Variants in IL1RAPL2 observed in about 807,000 individuals in gnomAD.
The protein encoded by IL1RAPL2 is interleukin 1 receptor accessory protein like 2, also known as X-linked interleukin-1 receptor accessory protein-like 2.
A neutral mutation model predicts 44.1 loss-of-function variants in IL1RAPL2; 3 were observed. The observed-to-expected ratio is 0.07, with a 90% CI of 0.03 to 0.18. The LOEUF (loss-of-function observed/expected upper bound fraction) is 0.18, where lower values mean the gene tolerates loss of function less well. Ranked by LOEUF, IL1RAPL2 falls within the 10% of genes least tolerant of loss-of-function variation. The pLI, the probability that IL1RAPL2 is intolerant of heterozygous loss-of-function variation, is 1.00. For synonymous variants in IL1RAPL2, 181 were observed against 178.8 expected, an observed-to-expected ratio of 1.01 and a Z score of -0.10; for missense variants, 391 against 496.4, an observed-to-expected ratio of 0.79 and a Z score of 2.02.
chrX:105,470,967 T>C (rs1222736624), intron 5 of IL1RAPL2, among the ~76,000 whole-genome samples: 1 of 111,435 alleles, frequency 9.0e-6, no homozygotes, highest in Non-Finnish European at 1.9e-5. Context: ...ATTAGGTTGG[T>C]GCGAAAGTTA....
chrX:105,422,052 A>C (rs1005973390), intron 5 of IL1RAPL2, among the ~76,000 whole-genome samples: 25 of 112,127 alleles, frequency 2.2e-4, no homozygotes, highest in Middle Eastern at 4.6e-3. Flanking sequence ...ACTAAAGACA[A>C]ATTATGGTAG....
At chrX:104,892,008 C>T (rs1165600858) in intron 2 of IL1RAPL2, among the ~76,000 whole-genome samples, 14 of 111,451 alleles carry the variant, frequency 1.3e-4, no homozygotes, top group Non-Finnish European at 2.3e-4. Flanking sequence ...GTATGAAGGG[C>T]TGTTGAATTT....
chrX:104,940,453 A>C (rs893383166), intron 2 of IL1RAPL2, among the ~76,000 whole-genome samples: 8 of 111,971 alleles, frequency 7.1e-5, no homozygotes, highest in African/African-American at 2.6e-4. Context: ...ATAAAGCAAT[A>C]TTAGTATTAT....
chrX:104,727,393 TA>T (rs1931817241), intron 2 of IL1RAPL2, among the ~76,000 whole-genome samples: 1 of 111,588 alleles, frequency 9.0e-6, no homozygotes, highest in Non-Finnish European at 1.9e-5. Context: ...GATACCATTT[TA>T]TACTAGTCAA....
chrX:104,955,477 C>T (rs867937956), intron 2 of IL1RAPL2, among the ~76,000 whole-genome samples: 1 of 102,025 alleles, frequency 9.8e-6, no homozygotes, highest in Non-Finnish European at 1.9e-5. Context: ...GTTATACTCC[C>T]AGATATATAT....
chrX:105,078,968 C>A (rs1395578598), intron 2 of IL1RAPL2, among the ~76,000 whole-genome samples: 2 of 112,493 alleles, frequency 1.8e-5, no homozygotes, highest in South Asian at 7.4e-4. Context: ...TTCCCTGACC[C>A]CTTGTGCTTC....
chrX:105,458,028 G>A (rs777069669), intron 5 of IL1RAPL2, among the ~76,000 whole-genome samples: 8 of 111,332 alleles, frequency 7.2e-5, no homozygotes, highest in South Asian at 7.6e-4. Context: ...TGGGTATGAA[G>A]TAGTATCTCA....
chrX:105,350,503 C>T (rs759251016), intron 5 of IL1RAPL2, among the ~76,000 whole-genome samples: 11 of 112,031 alleles, frequency 9.8e-5, no homozygotes, highest in East Asian at 2.8e-4. Context: ...GCGGGTGGAT[C>T]GTCTGAGGTT....
chrX:105,199,282 T>C (rs1556143886), intron 3 of IL1RAPL2, among the ~76,000 whole-genome samples: 1 of 106,995 alleles, frequency 9.3e-6, no homozygotes, highest in East Asian at 2.9e-4. Context: ...GTCCCTTTGA[T>C]ATAATTCTAT....
intron 2 of IL1RAPL2, among the ~76,000 whole-genome samples, chrX:105,005,414 C>T (rs768006157): frequency 1.8e-5 from 2 of 111,343 alleles, no homozygotes; most frequent in Non-Finnish European, 3.8e-5. Flanking sequence ...CACCTGGGAG[C>T]TCATAAATGC....
chrX:104,710,443 A>C (rs906484044), intron 2 of IL1RAPL2, among the ~76,000 whole-genome samples: 1 of 111,206 alleles, frequency 9.0e-6, no homozygotes, highest in African/African-American at 3.3e-5. Context: ...GACAGAAAGC[A>C]GATTAGTAGT....
intron 5 of IL1RAPL2, among the ~76,000 whole-genome samples, chrX:105,471,544 A>G (rs1308035419): frequency 9.1e-6 from 1 of 110,323 alleles, no homozygotes; most frequent in Non-Finnish European, 1.9e-5. Context: ...CTGCTGTCCC[A>G]GGAACTGAAT....
chrX:104,579,881 C>A (rs1017863372), intron 1 of IL1RAPL2, among the ~76,000 whole-genome samples: 1 of 111,019 alleles, frequency 9.0e-6, no homozygotes, highest in African/African-American at 3.3e-5. Context: ...ATGTCAAAAT[C>A]TATTTTAACC....
chrX:104,609,072 G>T (rs1929085891), intron 1 of IL1RAPL2, among the ~76,000 whole-genome samples: 1 of 110,420 alleles, frequency 9.1e-6, no homozygotes, highest in Non-Finnish European at 1.9e-5. Flanking sequence ...CTCAGCATTT[G>T]CTTGTCTGTA....
At chrX:105,048,866 C>G (rs775748360) in intron 2 of IL1RAPL2, among the ~76,000 whole-genome samples, 218 of 112,220 alleles carry the variant, frequency 1.9e-3, no homozygotes, top group African/African-American at 6.6e-3. Flanking sequence ...TCTCAATAAC[C>G]ACATGTGGCT....
intron 5 of IL1RAPL2, among the ~76,000 whole-genome samples, chrX:105,468,357 G>T (rs1256014554): frequency 1.8e-5 from 2 of 111,690 alleles, no homozygotes; most frequent in Non-Finnish European, 3.8e-5. Flanking sequence ...GCTGGCAAAT[G>T]TGTAGTATAG....
chrX:105,107,111 C>T (rs1380680166), intron 2 of IL1RAPL2, among the ~76,000 whole-genome samples: 1 of 112,587 alleles, frequency 8.9e-6, no homozygotes, highest in Non-Finnish European at 1.9e-5. Context: ...TGTTAAAGAC[C>T]AGATGGTGTT....
At chrX:104,833,666 G>T (rs1206266573) in intron 2 of IL1RAPL2, among the ~76,000 whole-genome samples, 3 of 111,226 alleles carry the variant, frequency 2.7e-5, no homozygotes, top group Non-Finnish European at 5.7e-5. Context: ...AGTGTAGCAA[G>T]AATTGGTTGA....
At chrX:105,175,282 C>G (rs1466528940) in intron 2 of IL1RAPL2, among the ~76,000 whole-genome samples, 1 of 111,466 alleles carries the variant, frequency 9.0e-6, no homozygotes, top group African/African-American at 3.3e-5. Context: ...AGCATTAATT[C>G]CAATTATAGT....
Sources: gnomAD v4.1 joint callset for allele counts (sites outside exome capture counted in the v4.1 genomes callset) on GRCh38, gnomAD v4.1.1 for gene constraint, MANE v1.5 for transcripts, NCBI Gene and HGNC (gene_info 2026-07-23, HGNC 2026-07-21) for gene names.